Variants in BLK observed in about 807,000 individuals in gnomAD.
BLK encodes BLK proto-oncogene, Src family tyrosine kinase.
Under a neutral mutation model 61.8 loss-of-function variants are expected in BLK, and 64 were observed. The observed-to-expected ratio is 1.03, with a 90% CI of 0.85 to 1.27. The LOEUF (loss-of-function observed/expected upper bound fraction) is 1.27, where lower values mean the gene tolerates loss of function less well. Among genes scored for constraint, BLK ranks in the 50% most tolerant of loss-of-function variants. BLK has a pLI of 0.00. For synonymous variants in BLK, 351 were observed against 272.0 expected, an observed-to-expected ratio of 1.29 and a Z score of -2.86; for missense variants, 853 against 660.5, an observed-to-expected ratio of 1.29 and a Z score of -3.19.
rs1246233697 is a variant in BLK, at chr8:11,548,012, C to G, written c.176-20C>G. ...GCTTGTGGGCCTGAGTGGTGGTCAT[C>G]TCTCCCTTGTTCATTTTAGACAAGC... is the stretch of plus-strand genomic sequence containing the variant. On this transcript the variant is annotated intron_variant, in intron 3 of 12. Coordinates refer to ENST00000259089, the MANE Select transcript of BLK (RefSeq NM_001715.3). 11 of 1,609,782 alleles carry G rather than the reference C, an allele frequency of 6.8e-6. No homozygotes were observed. The highest frequency in any genetic ancestry group is 5.3e-5 in the African/African-American group (4 of 74,810).
intron 1 of BLK, among the ~76,000 whole-genome samples, chr8:11,501,483 G>A (rs1000994943): frequency 2.0e-5 from 3 of 152,044 alleles, no homozygotes; most frequent in African/African-American, 7.2e-5. Flanking sequence ...GGTCAAGATA[G>A]GCATCTTGTA....
At chr8:11,497,122 A>T (rs1225734343) in intron 1 of BLK, among the ~76,000 whole-genome samples, 1 of 152,212 alleles carries the variant, frequency 6.6e-6, no homozygotes, top group Admixed American at 6.5e-5. Flanking sequence ...AAAGCAGGTG[A>T]GGAGGAAGAA....
At chr8:11,561,055 G>C (rs142470437) in intron 10 of BLK, 4 of 667,510 alleles carry the variant, frequency 6.0e-6, no homozygotes, top group African/African-American at 5.3e-5. Flanking sequence ...TGTGTGGAGC[G>C]AGAACGAGGA....
Position 11,556,684 on chromosome 8 carries a change from GC to G in BLK, c.801del (p.Ile268LeufsTer4). ...TTACTACAAAAACAACATGAAGGTG[GC>G]CATTAAGACGCTGAAGGAGGGAACC... ...MGYYKNNMKV[A>X]IKTLKEGTMS... On this transcript the variant is annotated frameshift_variant, in exon 9 of 13. Transcript: ENST00000259089. LOFTEE classifies it high-confidence loss of function. 1 of 1,614,148 alleles carries G rather than the reference GC, an allele frequency of 6.2e-7. No homozygotes were observed. Among genetic ancestry groups the G allele is most frequent in the South Asian group, 1.1e-5 (1 of 91,084 alleles).
At position 11,563,049 on chromosome 8, in the gene BLK, C is replaced by A; in HGVS notation, c.1251C>A (p.Asp417Glu). ...TCGGGGTCTTCACCATCAAAGCAGA[C>A]GTGTGGTCGTTTGGAGTCCTCCTGA... ...IHFGVFTIKADVWSFGVLLME... is the reference protein window; with the variant it reads ...IHFGVFTIKAEVWSFGVLLME... Residue 417 changes from aspartate (D) to glutamate (E), a missense_variant, in exon 12 of 13, where the codon GAC becomes GAA. By Grantham distance (45) the Asp-to-Glu change is conservative. Transcript: ENST00000259089. 3 of 1,614,164 alleles carry A rather than the reference C, an allele frequency of 1.9e-6. No individual in the cohort carries two copies. The Middle Eastern group carries it at 4.9e-4, about 266-fold the overall frequency.
At chr8:11,561,048 G>T in intron 10 of BLK, 1 of 659,940 alleles carries the variant, frequency 1.5e-6, no homozygotes, top group South Asian at 1.5e-5. Flanking sequence ...ACACAGCTGT[G>T]TGGAGCGAGA....
intron 2 of BLK, among the ~76,000 whole-genome samples, chr8:11,543,704 C>T: frequency 6.6e-6 from 1 of 152,210 alleles, no homozygotes; most frequent in Non-Finnish European, 1.5e-5. Context: ...GGCATTGCTG[C>T]TGGCATTCCA....
At chr8:11,537,437 G>C (rs922932431) in intron 1 of BLK, among the ~76,000 whole-genome samples, 1 of 152,154 alleles carries the variant, frequency 6.6e-6, no homozygotes, top group Non-Finnish European at 1.5e-5. Flanking sequence ...AATCAGAAAG[G>C]CAAAGCCTCC....
intron 6 of BLK, chr8:11,553,527 C>T (rs1801019296): frequency 3.4e-6 from 1 of 289,926 alleles, no homozygotes; most frequent in South Asian, 3.1e-5. Flanking sequence ...AGCGTCACTG[C>T]GTGGAGAGCG....
At chr8:11,529,793 C>T (rs1231020639) in intron 1 of BLK, among the ~76,000 whole-genome samples, 4 of 152,186 alleles carry the variant, frequency 2.6e-5, no homozygotes, top group Admixed American at 1.3e-4. Flanking sequence ...AAGCAAGATG[C>T]AGTTGGTTAG....
At chr8:11,499,830 G>C (rs947705371) in intron 1 of BLK, among the ~76,000 whole-genome samples, 2 of 152,282 alleles carry the variant, frequency 1.3e-5, no homozygotes, top group South Asian at 2.1e-4. Flanking sequence ...GTCACAGTTT[G>C]TATTTCTGTG....
intron 1 of BLK, among the ~76,000 whole-genome samples, chr8:11,510,131 T>G (rs1475451779): frequency 6.6e-6 from 1 of 152,236 alleles, no homozygotes; most frequent in African/African-American, 2.4e-5. Context: ...TCATTCTGAA[T>G]TACATCGTGG....
chr8:11,513,139 C>T (rs754483720), intron 1 of BLK, among the ~76,000 whole-genome samples: 9 of 152,180 alleles, frequency 5.9e-5, no homozygotes, highest in East Asian at 1.9e-4. Flanking sequence ...TCCATGCCCA[C>T]GGCCTAGATT....
chr8:11,560,879 T>G (rs1290721983), intron 10 of BLK: 2 of 464,614 alleles, frequency 4.3e-6, no homozygotes, highest in African/African-American at 4.0e-5. Flanking sequence ...CCCGAGGGCC[T>G]CCAGCTCCAG....
chr8:11,524,313 A>T (rs1364994100), intron 1 of BLK, among the ~76,000 whole-genome samples: 1 of 152,202 alleles, frequency 6.6e-6, no homozygotes, highest in Non-Finnish European at 1.5e-5. Flanking sequence ...TACACTGAAC[A>T]TTCACAACGA....
rs1036183116 is a variant in BLK, at chr8:11,554,862, C to G, written c.592C>G (p.Leu198Val). 1.2e-6 allele frequency: 2 copies of G among 1,613,664 alleles called. No individual in the cohort carries two copies. The highest frequency in any genetic ancestry group is 1.7e-6 in the Non-Finnish European group (2 of 1,179,986). The change falls in exon 7 of 13, where the codon CTC becomes GTC. Residue 198 changes from leucine (L) to valine (V), a missense_variant. Leu to Val is a conservative substitution (Grantham distance 32, BLOSUM62 1). Coordinates refer to ENST00000259089, the MANE Select transcript of BLK (RefSeq NM_001715.3). ...YISPRITFPSLQALVQHYSKK... is the reference protein window; with the variant it reads ...YISPRITFPSVQALVQHYSKK... ...CTCCCCCCGGATCACCTTCCCCTCG[C>G]TCCAGGCCCTGGTGCAGCACTATTC...
intron 1 of BLK, among the ~76,000 whole-genome samples, chr8:11,538,614 G>A (rs185698960): frequency 5.3e-5 from 8 of 152,364 alleles, no homozygotes; most frequent in African/African-American, 1.9e-4. Context: ...GTGTTTGCCA[G>A]GAAGCTTAAA....
chr8:11,530,901 G>A (rs1585366093), intron 1 of BLK, among the ~76,000 whole-genome samples: 1 of 152,196 alleles, frequency 6.6e-6, no homozygotes, highest in Non-Finnish European at 1.5e-5. Flanking sequence ...AAATATCTGG[G>A]TCACAGGTTA....
At chr8:11,494,682 G>C (rs1271377808) in intron 1 of BLK, 91 bp downstream of exon 1, 1 of 152,284 alleles carries the variant, frequency 6.6e-6, no homozygotes, top group Admixed American at 6.5e-5. Flanking sequence ...AGCAAGCAAG[G>C]ACATTGCTGT....
Sources: allele counts gnomAD v4.1 joint callset (sites outside exome capture counted in the v4.1 genomes callset), GRCh38; gene constraint gnomAD v4.1.1; transcripts MANE v1.5; gene names NCBI Gene and HGNC (gene_info 2026-07-23, HGNC 2026-07-21).